The following SLC8A1 variants were observed in gnomAD, a reference collection of about 807,000 sequenced individuals.
The protein encoded by SLC8A1 is sodium/calcium exchanger 1.
A neutral mutation model predicts 68.3 loss-of-function variants in SLC8A1; 18 were observed. The ratio of observed to expected loss-of-function variants is 0.26; its 90% CI spans 0.18 to 0.39. SLC8A1 has a LOEUF of 0.39. Among genes scored for constraint, SLC8A1 ranks in the 10% least tolerant of loss-of-function variants. The pLI is 1.00. For synonymous variants in SLC8A1, 475 were observed against 415.5 expected (o/e 1.14, Z -1.74); for missense variants, 985 against 1,156.7 (o/e 0.85, Z 2.15).
rs907685256 is a variant in SLC8A1 at position 40,229,580 on chromosome 2, A to T, written c.1809-51725T>A. Among the ~76,000 whole-genome samples, 3 of 152,192 alleles carry T rather than the reference A, an allele frequency of 2.0e-5. No homozygotes were observed. In the South Asian group the frequency reaches 6.2e-4, roughly 31 times the overall value. On this transcript the variant is annotated intron_variant, in intron 2 of 7. Transcript: ENST00000406785. ...AAGACTCTCCAATGGCAAATCTCCT[A>T]AATAAGTCCTTACAGCTCTTCATAT...
At chr2:40,237,434 G>A (rs540301540) in intron 2 of SLC8A1, among the ~76,000 whole-genome samples, 10 of 151,892 alleles carry the variant, frequency 6.6e-5, no homozygotes, top group Non-Finnish European at 1.2e-4. Context: ...CGTAGTTCTT[G>A]AGCCTTGGTT....
At chr2:40,421,083 C>A (rs1050600201) in intron 2 of SLC8A1, among the ~76,000 whole-genome samples, 6 of 152,014 alleles carry the variant, frequency 3.9e-5, no homozygotes, top group Non-Finnish European at 5.9e-5. Flanking sequence ...ACCACCACCA[C>A]CAACACCAAA....
rs772479092 is a variant in SLC8A1, at chr2:40,111,345, C to T, written c.*3908G>A. 8 of 152,104 alleles carry T rather than the reference C, an allele frequency of 5.3e-5. No homozygotes were observed. The South Asian group carries it at 1.7e-3, about 32-fold the overall frequency. The allele number at this position is 152,104 out of a possible 1,614,324, so 9.4% of individuals were successfully genotyped here. A position where few individuals can be genotyped will look rare whatever the true frequency, so the allele number is the denominator to read the frequency against. ...TATAAAGAAATAGAGGTTGGCTGCT[C>T]ATTTTGTGTTAAACCAAAGGCTGGT... On this transcript the variant is annotated 3_prime_UTR_variant, in exon 8 of 8. Coordinates refer to ENST00000406785, the Ensembl canonical transcript of SLC8A1.
chr2:40,408,163 C>T (rs73926206), intron 2 of SLC8A1, among the ~76,000 whole-genome samples: 2,181 of 152,298 alleles, frequency 0.014, 51 homozygotes, highest in African/African-American at 0.048. Context: ...TATCACACAA[C>T]TCCTAATGTA....
intron 2 of SLC8A1, among the ~76,000 whole-genome samples, chr2:40,284,456 TATAG>T (rs1422621973): frequency 2.0e-5 from 3 of 147,082 alleles, no homozygotes; most frequent in South Asian, 2.1e-4. Context: ...AATGTATATC[TATAG>T]ATATATATCT....
At chr2:40,133,137 A>C (rs2039727428) in intron 7 of SLC8A1, among the ~76,000 whole-genome samples, 1 of 152,184 alleles carries the variant, frequency 6.6e-6, no homozygotes, top group Admixed American at 6.5e-5. Flanking sequence ...GAAATTGGTT[A>C]AAGCCATGCA....
chr2:40,331,604 T>G (rs968947344), intron 2 of SLC8A1, among the ~76,000 whole-genome samples: 1 of 152,132 alleles, frequency 6.6e-6, no homozygotes, highest in African/African-American at 2.4e-5. Flanking sequence ...TATGTTTATT[T>G]TTTTTTTGAG....
chr2:40,153,997 A>G (rs1223970352), intron 6 of SLC8A1, among the ~76,000 whole-genome samples: 1 of 152,170 alleles, frequency 6.6e-6, no homozygotes, highest in Non-Finnish European at 1.5e-5. Flanking sequence ...GAGCACTTGA[A>G]ACCTAAACTA....
chr2:40,313,014 T>TAC (rs200011751), intron 2 of SLC8A1, among the ~76,000 whole-genome samples: 17 of 152,020 alleles, frequency 1.1e-4, no homozygotes, highest in South Asian at 4.2e-4. Context: ...ACTACGTATA[T>TAC]ACACACACAC....
intron 4 of SLC8A1, among the ~76,000 whole-genome samples, chr2:40,172,359 T>C (rs11691259): frequency 0.61 from 93,292 of 152,038 alleles, 30,117 homozygotes; most frequent in Non-Finnish European, 0.74. Context: ...ACTGCATTAA[T>C]TTCAAGTCTT....
intron 2 of SLC8A1, among the ~76,000 whole-genome samples, chr2:40,406,201 A>G (rs1690266095): frequency 6.6e-6 from 1 of 152,206 alleles, no homozygotes; most frequent in South Asian, 2.1e-4. Flanking sequence ...TTAAACATAT[A>G]TGCCAAAGAT....
intron 2 of SLC8A1, among the ~76,000 whole-genome samples, chr2:40,210,576 G>A (rs2056401721): frequency 2.0e-5 from 3 of 152,140 alleles, no homozygotes; most frequent in Admixed American, 6.5e-5. Context: ...TAAGGGGGGA[G>A]AAAGGCCCAT....
chr2:40,258,721 A>AGGC (rs2064281904), intron 2 of SLC8A1, among the ~76,000 whole-genome samples: 1 of 152,078 alleles, frequency 6.6e-6, no homozygotes, highest in Non-Finnish European at 1.5e-5. Context: ...AGGCACCTGT[A>AGGC]ACCCTAGCTA....
At chr2:40,416,610 G>A (rs949179904) in intron 2 of SLC8A1, among the ~76,000 whole-genome samples, 5 of 151,960 alleles carry the variant, frequency 3.3e-5, no homozygotes, top group Non-Finnish European at 5.9e-5. Context: ...ATGCCTTAAT[G>A]TTACTATCAA....
At chr2:40,501,599 C>A (rs1427377955) in intron 1 of SLC8A1, among the ~76,000 whole-genome samples, 3 of 152,074 alleles carry the variant, frequency 2.0e-5, no homozygotes, top group Non-Finnish European at 2.9e-5. Context: ...AGGAAAGGAG[C>A]TTTCTAGAAA....
intron 5 of SLC8A1, among the ~76,000 whole-genome samples, chr2:40,164,074 C>T (rs141048159): frequency 1.3e-5 from 2 of 152,278 alleles, no homozygotes; most frequent in African/African-American, 2.4e-5. Flanking sequence ...AGGGGATGCA[C>T]ATTTCATATC....
chr2:40,212,011 G>C (rs1270740793), intron 2 of SLC8A1, among the ~76,000 whole-genome samples: 5 of 152,040 alleles, frequency 3.3e-5, no homozygotes, highest in Non-Finnish European at 7.4e-5. Flanking sequence ...TATATTTAGA[G>C]CATAAATAAA....
intron 2 of SLC8A1, among the ~76,000 whole-genome samples, chr2:40,225,366 T>A (rs573799750): frequency 1.3e-5 from 2 of 152,150 alleles, no homozygotes; most frequent in South Asian, 4.1e-4. Context: ...GTATTTAAAA[T>A]AGTATTTGGC....
At chr2:40,151,544 C>G (rs1304512863) in intron 6 of SLC8A1, among the ~76,000 whole-genome samples, 1 of 151,902 alleles carries the variant, frequency 6.6e-6, no homozygotes, top group African/African-American at 2.4e-5. Flanking sequence ...AGGACTTGAG[C>G]AGATCTGTTC....
Sources: gnomAD v4.1 joint callset for allele counts (sites outside exome capture counted in the v4.1 genomes callset) on GRCh38, gnomAD v4.1.1 for gene constraint, MANE v1.5 for transcripts, NCBI Gene and HGNC (gene_info 2026-07-23, HGNC 2026-07-21) for gene names.